CAPN7: variants seen among roughly 807,000 people sequenced by gnomAD.
CAPN7 encodes calpain 7, also known as calpain-7.
A neutral mutation model predicts 115.2 loss-of-function variants in CAPN7; 72 were observed. The observed-to-expected ratio is 0.63, with a 90% CI of 0.52 to 0.76. CAPN7 has a LOEUF of 0.76. Ranked by LOEUF, CAPN7 falls within the 30% of genes least tolerant of loss-of-function variation. The pLI is 0.00. For missense variants in CAPN7, 905 were observed against 971.5 expected (o/e 0.93, Z 0.91); for synonymous variants, 344 against 322.3 (o/e 1.07, Z -0.72).
intron 17 of CAPN7, 61 bp downstream of exon 17, chr3:15,245,732 C>CT (rs746416476): frequency 1.4e-5 from 19 of 1,379,438 alleles, no homozygotes; most frequent in Non-Finnish European, 1.8e-5. Flanking sequence ...ATATGCTCTG[C>CT]TTTGTAAGTG....
chr3:15,240,898 C>G (rs756475790), intron 14 of CAPN7, 45 bp downstream of exon 14: 1 of 1,190,732 alleles, frequency 8.4e-7, no homozygotes, highest in South Asian at 1.3e-5. Context: ...ATAGCATCCA[C>G]TTTCCTCACT....
At chr3:15,242,922 A>T (rs1695437466) in intron 16 of CAPN7, among the ~76,000 whole-genome samples, 1 of 152,206 alleles carries the variant, frequency 6.6e-6, no homozygotes, top group African/African-American at 2.4e-5. Flanking sequence ...GAGAATAGTG[A>T]TGAACAAAAC....
At chr3:15,218,635 C>A (rs1388144812) in intron 4 of CAPN7, 95 bp downstream of exon 4, 6 of 850,424 alleles carry the variant, frequency 7.1e-6, no homozygotes, top group Non-Finnish European at 1.2e-5. Context: ...CAGTAACAAA[C>A]CTCCATCTTT....
intron 14 of CAPN7, 127 bp from the exon 15 acceptor site, chr3:15,241,326 A>C (rs748813630): frequency 7.7e-5 from 69 of 891,194 alleles, no homozygotes; most frequent in Non-Finnish European, 1.1e-4. Context: ...AGTTATGCCA[A>C]AAAAATTTAA....
chr3:15,217,435 G>C lies in CAPN7; in HGVS notation c.222G>C (p.Lys74Asn). 1 of 1,610,512 alleles carries C rather than the reference G, an allele frequency of 6.2e-7. No individual in the cohort carries two copies. The highest frequency in any genetic ancestry group is 8.5e-7 in the Non-Finnish European group (1 of 1,178,562). The change falls in exon 3 of 21, where the codon AAG becomes AAC. Residue 74 changes from lysine to asparagine, a missense_variant. This residue lies in a region of CAPN7 where 271 missense variants were observed against 239.6 expected (regional missense o/e 1.13). Transcript: ENST00000253693. ...VQALHSAVQS[K>N]SADPLKSKHQ... is the part of the protein sequence containing the mutation. The stretch of plus-strand genomic sequence containing the variant: ...TTTTTTCTATCCTAGTTCAGTCAAA[G>C]AGTGCTGATCCTTTGAAGTCAAAAC...
Position 15,230,555 on chromosome 3 carries a change from A to T in CAPN7, c.1032+20A>T. The T allele has an allele frequency of 7.2e-7, 1 of 1,394,806 alleles. No homozygotes were observed. The highest frequency in any genetic ancestry group is 1.8e-4 in the Middle Eastern group (1 of 5,632). 86.4% of individuals were successfully genotyped at this position (1,394,806 alleles called of 1,614,324 possible). On this transcript the variant is annotated intron_variant, in intron 9 of 20. Coordinates refer to ENST00000253693, the MANE Select transcript of CAPN7 (RefSeq NM_014296.3). ...AGAAAGGTGAATAATGTCTCTCCCCACTCCCATCCCTTGTCTCTCTCCGTT... is the reference window on the plus strand; with the variant it reads ...AGAAAGGTGAATAATGTCTCTCCCCTCTCCCATCCCTTGTCTCTCTCCGTT...
At chr3:15,225,927 T>C (rs577719222) in intron 6 of CAPN7, among the ~76,000 whole-genome samples, 1 of 152,302 alleles carries the variant, frequency 6.6e-6, no homozygotes, top group African/African-American at 2.4e-5. Flanking sequence ...GTTTTTAAGT[T>C]GGGTTAACAG....
At chr3:15,221,051 G>A in intron 5 of CAPN7, 70 bp downstream of exon 5, 2 of 1,235,856 alleles carry the variant, frequency 1.6e-6, no homozygotes, top group Non-Finnish European at 2.3e-6. Context: ...ATTTTCATTA[G>A]GTTTGCTGAA....
rs1696026495 is a variant in CAPN7 at position 15,252,024 on chromosome 3, T to C, written c.*764T>C. The C allele has an allele frequency of 6.6e-6, 1 of 152,570 alleles. No homozygotes were observed. The highest frequency in any genetic ancestry group is 2.1e-4 in the South Asian group (1 of 4,834). The allele number at this position is 152,570 out of a possible 1,614,324, so 9.5% of individuals were successfully genotyped here. On this transcript the variant is annotated 3_prime_UTR_variant, in exon 21 of 21. Coordinates refer to ENST00000253693, the MANE Select transcript of CAPN7 (RefSeq NM_014296.3). ...TTTGTGTGGTCTTTTTTTAAATTGC[T>C]GTATCGTTCAGTCTCTTGTGGCAAT...
At chr3:15,210,478 C>A (rs1181261483) in intron 1 of CAPN7, among the ~76,000 whole-genome samples, 1 of 145,008 alleles carries the variant, frequency 6.9e-6, no homozygotes, top group Non-Finnish European at 1.5e-5. Context: ...GTTATACTTT[C>A]CTCCTCTGAA....
In CAPN7 at chr3:15,223,357, G is replaced by T. The variant is rs1575184424; in HGVS notation, c.639-118G>T. 3 of 669,188 alleles carry T rather than the reference G, an allele frequency of 4.5e-6. No individual in the cohort carries two copies. The East Asian group carries it at 8.1e-5, about 18-fold the overall frequency. The allele number at this position is 669,188 out of a possible 1,614,324, so 41.5% of individuals were successfully genotyped here. ...TCCAAAGATATATCAACAACATGAG[G>T]TTGTCAGTTTAATTTTAATACAGTA... On this transcript the variant is annotated intron_variant, in intron 5 of 20. Coordinates refer to ENST00000253693, the MANE Select transcript of CAPN7 (RefSeq NM_014296.3).
Position 15,206,566 on chromosome 3 carries a change from G to A in CAPN7, c.71G>A (p.Gly24Asp). Residue 24 changes from glycine (G) to aspartate (D), a missense_variant, in exon 1 of 21, where the codon GGC (glycine) becomes GAC (aspartate). Physicochemically the swap from Gly to Asp is moderately conservative, Grantham distance 94. This residue lies in a region of CAPN7 where 271 missense variants were observed against 239.6 expected (regional missense o/e 1.13). Coordinates refer to ENST00000253693, the MANE Select transcript of CAPN7 (RefSeq NM_014296.3). ...CTGGCGGTTCAGCGCGACCACGAAG[G>A]CCGCTACTCCGAGGCGGTGTTTTAT... The part of the protein sequence containing the change: ...ARLAVQRDHE[G>D]RYSEAVFYYK... 1 of 1,553,342 alleles carries A rather than the reference G, an allele frequency of 6.4e-7. No homozygotes were observed.
chr3:15,234,669 C>T (rs907691709), intron 11 of CAPN7, among the ~76,000 whole-genome samples: 23 of 152,102 alleles, frequency 1.5e-4, no homozygotes, highest in Non-Finnish European at 2.2e-4. Context: ...GATACACATT[C>T]GGTTGCAAAA....
intron 16 of CAPN7, among the ~76,000 whole-genome samples, chr3:15,245,111 C>CAAAA (rs1298467693): frequency 1.0e-5 from 1 of 97,994 alleles, no homozygotes; most frequent in African/African-American, 3.1e-5. Flanking sequence ...CTAGAATGAC[C>CAAAA]AAAAAAAAAA....
At chr3:15,228,000 T>C in intron 7 of CAPN7, 35 bp downstream of exon 7, 1 of 1,378,282 alleles carries the variant, frequency 7.3e-7, no homozygotes, top group Non-Finnish European at 9.5e-7. Context: ...TATAGAAAAG[T>C]CAGCATTTTA....
intron 3 of CAPN7, 110 bp from the exon 4 acceptor site, chr3:15,218,363 C>T: frequency 1.4e-6 from 1 of 700,572 alleles, no homozygotes. Flanking sequence ...TGTTTGTTCT[C>T]AATTTCAGCA....
At position 15,235,863 on chromosome 3, in the gene CAPN7, T is replaced by C. The variant is rs770100876; in HGVS notation, c.1407+718T>C. ...GCATAGTAGACACTGAATAAATACTTATGAAAGTGGGCCAGGCATGGTGGC... is the reference window on the plus strand; with the variant it reads ...GCATAGTAGACACTGAATAAATACTCATGAAAGTGGGCCAGGCATGGTGGC... On this transcript the variant is annotated intron_variant, in intron 12 of 20. Coordinates refer to ENST00000253693, the MANE Select transcript of CAPN7 (RefSeq NM_014296.3). Among the ~76,000 whole-genome samples the C allele has an allele frequency of 4.5e-4, 68 of 152,184 alleles. No individual in the cohort carries two copies. The Middle Eastern group carries it at 0.027, about 61-fold the overall frequency.
rs768573560 is a variant in CAPN7, at chr3:15,246,792, C to T, written c.2071C>T (p.Arg691Trp). 8.2e-6 allele frequency: 13 copies of T among 1,595,012 alleles called. No individual in the cohort carries two copies. In the African/African-American group the frequency reaches 1.1e-4, roughly 13 times the overall value. Residue 691 changes from arginine (R) to tryptophan (W), a missense_variant and splice_region_variant, in exon 18 of 21, where the codon CGG becomes TGG. Arg to Trp is a moderately radical substitution (Grantham distance 101). This residue lies in a region of CAPN7 where 620 missense variants were observed against 703.4 expected (regional missense o/e 0.88). Coordinates refer to ENST00000253693, the MANE Select transcript of CAPN7 (RefSeq NM_014296.3). Reference protein sequence around the residue: ...KIPSPYTLSKRINGKWSGQSA... With the variant: ...KIPSPYTLSKWINGKWSGQSA... ...TCCTTCACCATACACCTTATCAAAA[C>T]GGGTGAGAAAATTCATTTGGTTGTA...
At chr3:15,244,562 G>A (rs1248524019) in intron 16 of CAPN7, among the ~76,000 whole-genome samples, 1 of 152,106 alleles carries the variant, frequency 6.6e-6, no homozygotes, top group Non-Finnish European at 1.5e-5. Context: ...AGAGACTTAT[G>A]ATTTGTTTGA....
Sources: allele counts gnomAD v4.1 joint callset (sites outside exome capture counted in the v4.1 genomes callset), GRCh38; gene constraint gnomAD v4.1.1; regional missense constraint gnomAD v4.1.1; transcripts MANE v1.5; gene names NCBI Gene and HGNC (gene_info 2026-07-23, HGNC 2026-07-21).